The following FBXO10 variants were observed in gnomAD, a reference collection of about 807,000 sequenced individuals.
The protein encoded by FBXO10 is F-box protein 10.
Under a neutral mutation model 80.7 loss-of-function variants are expected in FBXO10, and 39 were observed. The observed-to-expected ratio is 0.48, with a 90% CI of 0.37 to 0.63. FBXO10 has a LOEUF of 0.63. Ranked by LOEUF, FBXO10 falls within the 30% of genes least tolerant of loss-of-function variation. FBXO10 has a pLI of 0.00. For synonymous variants in FBXO10, 449 were observed against 489.6 expected (o/e 0.92, Z 1.09); for missense variants, 1,025 against 1,269.0 (o/e 0.81, Z 2.92).
chr9:37,529,837 C>CTTT (rs34740759), intron 4 of FBXO10, among the ~76,000 whole-genome samples: 1,544 of 140,744 alleles, frequency 0.011, 34 homozygotes, highest in African/African-American at 0.038. Flanking sequence ...CAAGAGATAT[C>CTTT]TTTTTTTTTT....
intron 1 of FBXO10, among the ~76,000 whole-genome samples, chr9:37,552,012 T>C (rs1436082319): frequency 1.3e-5 from 2 of 152,238 alleles, no homozygotes; most frequent in East Asian, 3.8e-4. Flanking sequence ...GCCAAGTTCT[T>C]TGCCACTTTA....
intron 1 of FBXO10, among the ~76,000 whole-genome samples, chr9:37,559,634 G>GCCCC (rs1822426798): frequency 6.6e-6 from 1 of 152,206 alleles, no homozygotes; most frequent in African/African-American, 2.4e-5. Context: ...CCCTCCTGAG[G>GCCCC]TCAAATGGGG....
intron 4 of FBXO10, among the ~76,000 whole-genome samples, chr9:37,530,587 T>C (rs1821595364): frequency 6.6e-6 from 1 of 152,220 alleles, no homozygotes; most frequent in African/African-American, 2.4e-5. Context: ...GGGAAGGGGT[T>C]GGCAGGAGAC....
chr9:37,513,299 T>C (rs1381940549), intron 10 of FBXO10, among the ~76,000 whole-genome samples: 1 of 152,156 alleles, frequency 6.6e-6, no homozygotes, highest in African/African-American at 2.4e-5. Flanking sequence ...GTGCCAGCTT[T>C]TCCTCTTTCA....
intron 1 of FBXO10, among the ~76,000 whole-genome samples, chr9:37,574,658 CTCTCTGTGTGCTCCTA>C (rs543846921): frequency 1.7e-4 from 26 of 152,200 alleles, no homozygotes; most frequent in Non-Finnish European, 3.4e-4. Flanking sequence ...CAATTCAGGC[CTCTCTGTGTGCTCCTA>C]TCCCTGGAGG....
Position 37,522,913 on chromosome 9 carries a change from G to A in FBXO10, c.1842C>T (p.Leu614=). The change falls in exon 7 of 11, where the codon CTC becomes CTT. Residue 614 remains leucine, a synonymous_variant. Coordinates refer to ENST00000432825, the MANE Select transcript of FBXO10 (RefSeq NM_012166.3). ...VDIRRGGIPV[L]RSNLICFGYS... ...AGCCAAAGCAGATGAGGTTACTCCT[G>A]AGAACGGGGATCCCTCCACGGCGGA... The A allele has an allele frequency of 1.9e-6, 3 of 1,581,486 alleles. No homozygotes were observed. Among genetic ancestry groups the A allele is most frequent in the Non-Finnish European group, 2.6e-6 (3 of 1,163,946 alleles).
intron 1 of FBXO10, among the ~76,000 whole-genome samples, chr9:37,573,386 C>T (rs1822808790): frequency 6.6e-6 from 1 of 152,136 alleles, no homozygotes; most frequent in South Asian, 2.1e-4. Context: ...GCTGAGCACG[C>T]AAGCATAAAT....
intron 6 of FBXO10, among the ~76,000 whole-genome samples, chr9:37,523,566 A>C (rs1050666028): frequency 1.3e-5 from 2 of 152,012 alleles, no homozygotes; most frequent in African/African-American, 4.8e-5. Context: ...AAAAAGAATA[A>C]ACTAGCTTTG....
rs551577869 is a variant in FBXO10 at position 37,553,155 on chromosome 9, C to G, written c.-6-11381G>C. Among the ~76,000 whole-genome samples the G allele has an allele frequency of 7.9e-5, 12 of 152,072 alleles. No homozygotes were observed. The South Asian group carries it at 2.3e-3, about 29-fold the overall frequency. ...CTCCTGGCTTCAAGCAATTCTCCTG[C>G]CTCAGCCTCCCGAGTAGCTGGGACT... is the stretch of plus-strand genomic sequence containing the variant. On this transcript the variant is annotated intron_variant, in intron 1 of 10. Coordinates refer to ENST00000432825, the MANE Select transcript of FBXO10 (RefSeq NM_012166.3).
At chr9:37,551,370 G>C (rs1822194565) in intron 1 of FBXO10, among the ~76,000 whole-genome samples, 1 of 152,216 alleles carries the variant, frequency 6.6e-6, no homozygotes, top group South Asian at 2.1e-4. Context: ...GGGCAGCCCT[G>C]CTTCCAAGAC....
Position 37,537,351 on chromosome 9 carries a change from G to T in FBXO10, c.1178C>A (p.Pro393His). ...PVLGGSFLGP[P>H]LPGASIQLPS... ...CAGCTGAATGGATGCTCCTGGTAGA[G>T]GTGGGCCCAGAAATGAGCCCCCCAA... is the stretch of plus-strand genomic sequence containing the variant. The change falls in exon 3 of 11, where the codon CCT becomes CAT. Residue 393 changes from proline (P) to histidine (H), a missense_variant. By Grantham distance (77) the Pro-to-His change is moderately conservative. Transcript: ENST00000432825. The T allele has an allele frequency of 6.2e-7, 1 of 1,602,056 alleles. No individual in the cohort carries two copies. The highest frequency in any genetic ancestry group is 8.5e-7 in the Non-Finnish European group (1 of 1,173,732).
At chr9:37,524,062 G>A (rs1294052570) in intron 6 of FBXO10, among the ~76,000 whole-genome samples, 2 of 152,176 alleles carry the variant, frequency 1.3e-5, no homozygotes, top group Non-Finnish European at 2.9e-5. Context: ...CTGTCTCCAT[G>A]TCCCCACTGC....
chr9:37,542,452 G>A (rs182442323), intron 1 of FBXO10, among the ~76,000 whole-genome samples: 6 of 152,004 alleles, frequency 3.9e-5, no homozygotes, highest in South Asian at 2.1e-4. Context: ...AAAATTAGCC[G>A]GGCATGGTGG....
At position 37,546,000 on chromosome 9, in the gene FBXO10, G is replaced by T. The variant is rs144264339; in HGVS notation, c.-6-4226C>A. 3.0e-4 allele frequency among the ~76,000 whole-genome samples: 45 copies of T among 152,154 alleles called. No individual in the cohort carries two copies. The East Asian group carries it at 8.1e-3, about 28-fold the overall frequency. On this transcript the variant is annotated intron_variant, in intron 1 of 10. Transcript: ENST00000432825. ...CATCTCTGCTAAAAATACAAAATTA[G>T]CCAGGCATGGTGGTGCACACTTGTA...
chr9:37,518,230 T>C lies in FBXO10; in HGVS notation c.2409A>G (p.Arg803=). The part of the protein sequence containing the change: ...ELRGNGIYDN[R]GHGIITKGDS... ...CGCCCTTGGTGATAATGCCGTGGCC[T>C]CTGTTGTCATAGATACCATTGCCCC... Residue 803 remains arginine (R), a synonymous_variant, in exon 9 of 11, where the codon AGA becomes AGG. Transcript: ENST00000432825. 1 of 1,614,072 alleles carries C rather than the reference T, an allele frequency of 6.2e-7. No homozygotes were observed. Among genetic ancestry groups the C allele is most frequent in the East Asian group, 2.2e-5 (1 of 44,884 alleles).
chr9:37,534,146 C>T (rs1244571483), intron 3 of FBXO10, among the ~76,000 whole-genome samples: 1 of 151,834 alleles, frequency 6.6e-6, no homozygotes, highest in African/African-American at 2.4e-5. Flanking sequence ...CTGTCTTAAA[C>T]AATTATAGAT....
chr9:37,552,306 C>A (rs1186027067), intron 1 of FBXO10, among the ~76,000 whole-genome samples: 1 of 152,180 alleles, frequency 6.6e-6, no homozygotes, highest in Non-Finnish European at 1.5e-5. Flanking sequence ...TATAGCAACA[C>A]CCCACTCCTC....
intron 9 of FBXO10, among the ~76,000 whole-genome samples, chr9:37,517,452 G>A (rs1476064802): frequency 7.7e-6 from 1 of 129,378 alleles, no homozygotes; most frequent in Non-Finnish European, 1.6e-5. Context: ...GCTCTGCATA[G>A]AAAGGTGCTC....
Position 37,518,137 on chromosome 9 carries a change from C to G in FBXO10, c.2502G>C (p.Arg834Ser), listed in dbSNP as rs752372484. The change falls in exon 9 of 11, where the codon AGG (arginine) becomes AGC (serine). Residue 834 changes from arginine to serine, a missense_variant. This residue lies in a region of FBXO10 where 478 missense variants were observed against 667.8 expected (regional missense o/e 0.72). Coordinates refer to ENST00000432825, the MANE Select transcript of FBXO10 (RefSeq NM_012166.3). ...NRGSGLQLLP[R>S]SDTKVIKNRI... ...CAGACATACTCACTTTAGTGTCGGA[C>G]CTGGGCAGCAGCTGCAGCCCGCTGC... The G allele has an allele frequency of 3.7e-6, 6 of 1,612,736 alleles. No individual in the cohort carries two copies. The African/African-American group carries it at 6.7e-5, about 18-fold the overall frequency.
Sources: allele counts gnomAD v4.1 joint callset (sites outside exome capture counted in the v4.1 genomes callset), GRCh38; gene constraint gnomAD v4.1.1; regional missense constraint gnomAD v4.1.1; transcripts MANE v1.5; gene names NCBI Gene and HGNC (gene_info 2026-07-23, HGNC 2026-07-21).